Variants in XKR9 observed in about 807,000 individuals in gnomAD.
XKR9 encodes XK-related protein 9.
A neutral mutation model predicts 32.0 loss-of-function variants in XKR9; 32 were observed. The ratio of observed to expected loss-of-function variants is 1.00; its 90% CI spans 0.76 to 1.34. The LOEUF (loss-of-function observed/expected upper bound fraction) is 1.34, where lower values mean the gene tolerates loss of function less well. Among genes scored for constraint, XKR9 ranks in the 40% most tolerant of loss-of-function variants. The pLI is 0.00. For missense variants in XKR9, 546 were observed against 429.7 expected (o/e 1.27, Z -2.39); for synonymous variants, 168 against 143.4 (o/e 1.17, Z -1.22).
the XKR9 span, among the ~76,000 whole-genome samples, chr8:70,796,010 T>C: frequency 6.6e-6 from 1 of 152,132 alleles, no homozygotes; most frequent in South Asian, 2.1e-4. Context: ...GTTTTTTGAT[T>C]ACTCACTCAA....
the XKR9 span, among the ~76,000 whole-genome samples, chr8:70,879,887 G>A: frequency 4.7e-4 from 72 of 152,260 alleles, no homozygotes; most frequent in South Asian, 4.1e-4. Context: ...TAAAATACTG[G>A]CAAACCGAAT....
intron 2 of XKR9, among the ~76,000 whole-genome samples, chr8:70,761,128 G>A (rs557189806): frequency 6.6e-6 from 1 of 152,314 alleles, no homozygotes; most frequent in African/African-American, 2.4e-5. Context: ...GGGCATTTAG[G>A]TTGATTCCAT....
chr8:70,869,435 G>T, the XKR9 span, among the ~76,000 whole-genome samples: 1 of 152,094 alleles, frequency 6.6e-6, no homozygotes, highest in Non-Finnish European at 1.5e-5. Context: ...ACTTGTGCAG[G>T]CAAACTCCAC....
intron 1 of XKR9, among the ~76,000 whole-genome samples, chr8:70,670,399 T>C (rs1027229654): frequency 6.6e-6 from 1 of 152,188 alleles, no homozygotes; most frequent in African/African-American, 2.4e-5. Context: ...AGTTATAAAT[T>C]ACTTAAAAGA....
At chr8:70,682,740 A>T (rs1563419396) in intron 3 of XKR9, among the ~76,000 whole-genome samples, 1 of 152,182 alleles carries the variant, frequency 6.6e-6, no homozygotes, top group Non-Finnish European at 1.5e-5. Context: ...GCACCACAAG[A>T]CTACCAGAAA....
chr8:70,687,077 C>T (rs1249661119), intron 3 of XKR9, among the ~76,000 whole-genome samples: 1 of 124,574 alleles, frequency 8.0e-6, no homozygotes, highest in Non-Finnish European at 2.0e-5. Flanking sequence ...CATTTGTGCA[C>T]CCATTAACCA....
chr8:71,012,646 C>T, the XKR9 span, among the ~76,000 whole-genome samples: 1 of 152,134 alleles, frequency 6.6e-6, no homozygotes, highest in African/African-American at 2.4e-5. Flanking sequence ...ATATGCCAGG[C>T]ATTGTACTAA....
the XKR9 span, among the ~76,000 whole-genome samples, chr8:71,029,030 T>C: frequency 6.6e-6 from 1 of 152,190 alleles, no homozygotes; most frequent in Non-Finnish European, 1.5e-5. Flanking sequence ...TGGCTCCTTC[T>C]GTCGTAATCC....
the XKR9 span, among the ~76,000 whole-genome samples, chr8:70,950,363 A>G: frequency 6.6e-6 from 1 of 152,184 alleles, no homozygotes; most frequent in African/African-American, 2.4e-5. Context: ...CTTTCTGAGG[A>G]AGTAACTCTT....
At chr8:70,812,961 C>G in the XKR9 span, among the ~76,000 whole-genome samples, 2 of 152,182 alleles carry the variant, frequency 1.3e-5, no homozygotes, top group African/African-American at 4.8e-5. Context: ...TCATATGGAA[C>G]CAAAAAAGAG....
chr8:71,048,834 G>A, the XKR9 span, among the ~76,000 whole-genome samples: 1 of 152,302 alleles, frequency 6.6e-6, no homozygotes, highest in East Asian at 1.9e-4. Flanking sequence ...GCAGCTTTCT[G>A]TAGCTGAATT....
the XKR9 span, among the ~76,000 whole-genome samples, chr8:70,823,824 C>G: frequency 6.6e-6 from 1 of 152,092 alleles, no homozygotes; most frequent in Admixed American, 6.6e-5. Flanking sequence ...TGTCCTTGAT[C>G]AAGTGGACAG....
chr8:70,750,745 C>T (rs1453560381), intron 2 of XKR9, among the ~76,000 whole-genome samples: 2 of 152,144 alleles, frequency 1.3e-5, no homozygotes, highest in Non-Finnish European at 1.5e-5. Context: ...ACTATCACCA[C>T]AATTAACTTT....
chr8:70,865,393 C>G, the XKR9 span, among the ~76,000 whole-genome samples: 1 of 151,000 alleles, frequency 6.6e-6, no homozygotes, highest in Non-Finnish European at 1.5e-5. Context: ...TAATTTAATG[C>G]TAAGAAATAA....
chr8:70,880,209 G>A, the XKR9 span, among the ~76,000 whole-genome samples: 2 of 152,134 alleles, frequency 1.3e-5, no homozygotes, highest in East Asian at 1.9e-4. Context: ...TTTGAAAACC[G>A]GCACAAGACA....
chr8:70,793,852 C>T (rs148018598), downstream of XKR9, among the ~76,000 whole-genome samples: 744 of 150,918 alleles, frequency 4.9e-3, 17 homozygotes, highest in Admixed American at 0.033. Context: ...CCTATAATTT[C>T]GTAGAATTTT....
At chr8:70,866,009 C>A in the XKR9 span, among the ~76,000 whole-genome samples, 1 of 152,128 alleles carries the variant, frequency 6.6e-6, no homozygotes, top group African/African-American at 2.4e-5. Context: ...CTGTAATATA[C>A]CTTGAGCTGG....
Position 70,745,621 on chromosome 8 carries a change from T to C in XKR9, n.352+38468T>C, listed in dbSNP as rs1807047983. 7.2e-5 allele frequency among the ~76,000 whole-genome samples: 11 copies of C among 152,322 alleles called. No homozygotes were observed. In the South Asian group the frequency reaches 2.3e-3, roughly 32 times the overall value. ...TTCCCGGATGTTGCTGATGCTGCTGTTCTCCCCTCCCTTCTTTGAGAATCC... is the reference window on the plus strand; with the variant it reads ...TTCCCGGATGTTGCTGATGCTGCTGCTCTCCCCTCCCTTCTTTGAGAATCC... On this transcript the variant is annotated intron_variant and non_coding_transcript_variant, in intron 2 of 3. Transcript: ENST00000520273.
the XKR9 span, among the ~76,000 whole-genome samples, chr8:71,001,320 A>G: frequency 0.32 from 48,186 of 151,716 alleles, 8,917 homozygotes; most frequent in Non-Finnish European, 0.43. Context: ...GGAGTACAGC[A>G]GCACCATCAC....
Sources: gnomAD v4.1 joint callset for allele counts (sites outside exome capture counted in the v4.1 genomes callset) on GRCh38, gnomAD v4.1.1 for gene constraint, MANE v1.5 for transcripts, NCBI Gene and HGNC (gene_info 2026-07-23, HGNC 2026-07-21) for gene names.